Variants in PTPRN2 observed in about 807,000 individuals in gnomAD.
The protein encoded by PTPRN2 is protein tyrosine phosphatase receptor type N2.
In PTPRN2, 74 loss-of-function variants were observed where a neutral mutation model predicts 118.8. The observed-to-expected ratio is 0.62, with a 90% CI of 0.52 to 0.76. PTPRN2 has a LOEUF of 0.76. PTPRN2 is among the 30% of genes least tolerant of loss of function. The probability of loss-of-function intolerance (pLI) is 0.00; values close to 1 mark genes in which losing one functional copy is unlikely to be tolerated. For synonymous variants in PTPRN2, 641 were observed against 608.0 expected (o/e 1.05, Z -0.80); for missense variants, 1,481 against 1,394.4 (o/e 1.06, Z -0.99).
intron 12 of PTPRN2, among the ~76,000 whole-genome samples, chr7:157,768,926 T>C (rs773893044): frequency 3.1e-4 from 47 of 152,214 alleles, no homozygotes; most frequent in Non-Finnish European, 2.5e-4. Flanking sequence ...CATCTCTGAG[T>C]CAGACATTTC....
chr7:158,111,476 G>A (rs949554965), intron 9 of PTPRN2, among the ~76,000 whole-genome samples: 3 of 152,234 alleles, frequency 2.0e-5, no homozygotes, highest in Non-Finnish European at 4.4e-5. Context: ...GGCAAGAGCC[G>A]TCACCAGGGT....
chr7:158,573,940 T>C (rs919106656), intron 1 of PTPRN2, among the ~76,000 whole-genome samples: 1 of 152,182 alleles, frequency 6.6e-6, no homozygotes, highest in Non-Finnish European at 1.5e-5. Flanking sequence ...ATTTTAACTA[T>C]ACGTAATCCA....
chr7:158,444,443 C>G (rs943354007), intron 2 of PTPRN2, among the ~76,000 whole-genome samples: 4 of 152,266 alleles, frequency 2.6e-5, no homozygotes, highest in Non-Finnish European at 5.9e-5. Context: ...ATCTCCACAC[C>G]TGCTGCAAAC....
chr7:158,318,266 G>GGGGAGGAGGGAGAAA (rs1376014313), intron 2 of PTPRN2, among the ~76,000 whole-genome samples: 19 of 152,234 alleles, frequency 1.2e-4, no homozygotes, highest in Admixed American at 2.6e-4. Flanking sequence ...GTGGGAAAGG[G>GGGGAGGAGGGAGAAA]GGGAGGAGGG....
intron 12 of PTPRN2, chr7:157,865,710 A>C (rs1388577639): frequency 6.6e-6 from 1 of 152,190 alleles, no homozygotes; most frequent in Non-Finnish European, 1.5e-5. Context: ...TGTGTGCAAG[A>C]CGGGCCACGG....
At chr7:158,443,341 A>T (rs1817493179) in intron 2 of PTPRN2, among the ~76,000 whole-genome samples, 1 of 152,246 alleles carries the variant, frequency 6.6e-6, no homozygotes, top group Non-Finnish European at 1.5e-5. Context: ...AGTTGCCGGA[A>T]ATCCAAGGGT....
At chr7:157,853,750 G>A (rs1402710982) in intron 12 of PTPRN2, among the ~76,000 whole-genome samples, 1 of 152,180 alleles carries the variant, frequency 6.6e-6, no homozygotes, top group Non-Finnish European at 1.5e-5. Context: ...CCCGTGTTTT[G>A]GGATGAATTG....
chr7:157,936,024 CCCTCAGGGGGGTCTAGCCAT>C (rs1401074211), intron 11 of PTPRN2, among the ~76,000 whole-genome samples: 11 of 152,210 alleles, frequency 7.2e-5, no homozygotes, highest in Non-Finnish European at 1.6e-4. Flanking sequence ...CTGTGTCGCT[CCCTCAGGGGGGTCTAGCCAT>C]CCTCATGGTG....
intron 19 of PTPRN2, among the ~76,000 whole-genome samples, chr7:157,573,549 C>CA: frequency 6.6e-6 from 1 of 152,298 alleles, no homozygotes; most frequent in East Asian, 1.9e-4. Flanking sequence ...TAAAACAAAC[C>CA]AAACCCCAAA....
At chr7:157,839,772 T>A (rs1050808378) in intron 12 of PTPRN2, among the ~76,000 whole-genome samples, 1 of 151,672 alleles carries the variant, frequency 6.6e-6, no homozygotes, top group African/African-American at 2.4e-5. Context: ...TGCGTGACTA[T>A]GTAACCATGT....
chr7:158,524,231 A>AGTC (rs1265266038), intron 1 of PTPRN2, among the ~76,000 whole-genome samples: 3 of 44,602 alleles, frequency 6.7e-5, no homozygotes, highest in Admixed American at 2.3e-4. Flanking sequence ...CCTGGAGTGG[A>AGTC]GTCTGCCCTG....
At chr7:157,806,965 C>T (rs1245587913) in intron 12 of PTPRN2, among the ~76,000 whole-genome samples, 5 of 152,252 alleles carry the variant, frequency 3.3e-5, no homozygotes, top group African/African-American at 1.2e-4. Flanking sequence ...ATCAGCTCCT[C>T]TGTTCCAGGG....
intron 11 of PTPRN2, among the ~76,000 whole-genome samples, chr7:158,078,921 C>T (rs1310033278): frequency 1.3e-5 from 2 of 152,188 alleles, no homozygotes; most frequent in African/African-American, 4.8e-5. Context: ...AATCTTGGCT[C>T]ACTGCAACCT....
chr7:158,488,791 T>C (rs933680165), intron 2 of PTPRN2, among the ~76,000 whole-genome samples: 2 of 152,270 alleles, frequency 1.3e-5, no homozygotes, highest in Admixed American at 6.5e-5. Context: ...TGAGGACAGA[T>C]GCGCAGGGAG....
intron 11 of PTPRN2, among the ~76,000 whole-genome samples, chr7:157,970,078 G>A (rs1310309228): frequency 6.6e-6 from 1 of 151,836 alleles, no homozygotes; most frequent in Non-Finnish European, 1.5e-5. Context: ...CAGAGGCTCA[G>A]TTCCAGGAAC....
chr7:158,443,070 A>G (rs962820211), intron 2 of PTPRN2, among the ~76,000 whole-genome samples: 4 of 152,134 alleles, frequency 2.6e-5, no homozygotes, highest in East Asian at 3.9e-4. Flanking sequence ...AAGCAAAAAA[A>G]CACCTTTTTT....
chr7:158,255,486 G>A (rs542326610), intron 3 of PTPRN2, among the ~76,000 whole-genome samples: 2 of 152,302 alleles, frequency 1.3e-5, no homozygotes, highest in South Asian at 4.1e-4. Flanking sequence ...ACCTGAACTT[G>A]CCTCAGCACG....
intron 11 of PTPRN2, among the ~76,000 whole-genome samples, chr7:157,993,205 A>G (rs932326712): frequency 6.6e-6 from 1 of 152,298 alleles, no homozygotes; most frequent in Admixed American, 6.5e-5. Context: ...CAAAACGTAA[A>G]TAGATTCGGA....
chr7:158,293,368 G>T (rs1800245887), intron 3 of PTPRN2, among the ~76,000 whole-genome samples: 1 of 151,948 alleles, frequency 6.6e-6, no homozygotes, highest in Non-Finnish European at 1.5e-5. Context: ...CTGAAGTCAG[G>T]AATTCAAGAC....
Sources: gnomAD v4.1 joint callset for allele counts (sites outside exome capture counted in the v4.1 genomes callset) on GRCh38, gnomAD v4.1.1 for gene constraint, MANE v1.5 for transcripts, NCBI Gene and HGNC (gene_info 2026-07-23, HGNC 2026-07-21) for gene names.